The following PHACTR3 variants were observed in gnomAD, a reference collection of about 807,000 sequenced individuals.
The protein encoded by PHACTR3 is phosphatase and actin regulator 3.
Under a neutral mutation model 66.8 loss-of-function variants are expected in PHACTR3, and 16 were observed. The ratio of observed to expected loss-of-function variants is 0.24; its 90% CI spans 0.16 to 0.36. The LOEUF is 0.36. Ranked by LOEUF, PHACTR3 falls within the 10% of genes least tolerant of loss-of-function variation. PHACTR3 has a pLI of 1.00. For synonymous variants in PHACTR3, 323 were observed against 292.1 expected (o/e 1.11, Z -1.08); for missense variants, 647 against 719.9 (o/e 0.90, Z 1.16).
At chr20:59,783,494 C>T (rs2040801574) in intron 7 of PHACTR3, among the ~76,000 whole-genome samples, 2 of 148,080 alleles carry the variant, frequency 1.4e-5, no homozygotes, top group African/African-American at 5.0e-5. Flanking sequence ...TTGATAAGCA[C>T]TTTTCATGCA....
intron 1 of PHACTR3, among the ~76,000 whole-genome samples, chr20:59,737,345 C>T (rs372117324): frequency 3.3e-5 from 5 of 152,188 alleles, no homozygotes; most frequent in South Asian, 2.1e-4. Context: ...CCCCCTGGCA[C>T]GTGCCTGAGC....
intron 3 of PHACTR3, among the ~76,000 whole-genome samples, chr20:59,751,461 C>T (rs372843191): frequency 2.0e-5 from 3 of 152,178 alleles, no homozygotes; most frequent in Non-Finnish European, 2.9e-5. Flanking sequence ...GCCCTGCACA[C>T]GCGCATGTAT....
intron 1 of PHACTR3, among the ~76,000 whole-genome samples, chr20:59,712,146 C>A (rs998145806): frequency 1.3e-5 from 2 of 151,970 alleles, no homozygotes; most frequent in Admixed American, 1.3e-4. Flanking sequence ...TTATCTTAAC[C>A]CTGAATCAGT....
At chr20:59,684,813 G>A (rs1456206185) in intron 1 of PHACTR3, among the ~76,000 whole-genome samples, 1 of 152,218 alleles carries the variant, frequency 6.6e-6, no homozygotes, top group African/African-American at 2.4e-5. Context: ...CCCGATGAAG[G>A]GTTGTGAGGA....
intron 8 of PHACTR3, among the ~76,000 whole-genome samples, chr20:59,814,944 AG>A (rs944875040): frequency 1.6e-4 from 25 of 152,088 alleles, no homozygotes; most frequent in African/African-American, 5.3e-4. Flanking sequence ...TGGATCAAAC[AG>A]GAGGTGGGGG....
chr20:59,707,283 C>G (rs1336073909), intron 1 of PHACTR3, among the ~76,000 whole-genome samples: 2 of 152,144 alleles, frequency 1.3e-5, no homozygotes, highest in Admixed American at 1.3e-4. Flanking sequence ...GCAATCCTTA[C>G]TTAGTGATAC....
chr20:59,645,499 C>A (rs1028847003), intron 1 of PHACTR3, among the ~76,000 whole-genome samples: 6 of 152,154 alleles, frequency 3.9e-5, no homozygotes, highest in African/African-American at 1.4e-4. Flanking sequence ...ACACTGCCCT[C>A]CCTGGCCTCG....
chr20:59,807,062 C>T (rs558099948), intron 8 of PHACTR3, among the ~76,000 whole-genome samples: 12 of 152,344 alleles, frequency 7.9e-5, no homozygotes, highest in African/African-American at 2.2e-4. Context: ...GGCTAGCACG[C>T]GACCGTGCAC....
At chr20:59,589,536 C>T (rs573004429) in intron 1 of PHACTR3, among the ~76,000 whole-genome samples, 53 of 152,314 alleles carry the variant, frequency 3.5e-4, no homozygotes, top group South Asian at 8.3e-4. Context: ...GCTCGGGCTA[C>T]GAGACTGCTT....
chr20:59,714,325 T>G (rs1485861998), intron 1 of PHACTR3, among the ~76,000 whole-genome samples: 2 of 152,216 alleles, frequency 1.3e-5, no homozygotes, highest in African/African-American at 4.8e-5. Context: ...AGAAGTGTTA[T>G]TTGTTTTGCT....
intron 7 of PHACTR3, among the ~76,000 whole-genome samples, chr20:59,788,199 C>T (rs988579663): frequency 7.2e-5 from 11 of 152,158 alleles, no homozygotes; most frequent in Admixed American, 2.0e-4. Flanking sequence ...TGAGAACATA[C>T]GATGTTTGGT....
chr20:59,686,841 G>A (rs890420696), intron 1 of PHACTR3, among the ~76,000 whole-genome samples: 1 of 143,324 alleles, frequency 7.0e-6, no homozygotes, highest in Non-Finnish European at 1.6e-5. Flanking sequence ...TGATGATGAT[G>A]GTGATGATGG....
intron 7 of PHACTR3, among the ~76,000 whole-genome samples, chr20:59,775,732 G>A (rs6128685): frequency 0.34 from 51,655 of 151,984 alleles, 10,165 homozygotes; most frequent in East Asian, 0.67. Context: ...TCCCAAACTC[G>A]TTAGGCCCTG....
chr20:59,814,575 C>G (rs536238740), intron 8 of PHACTR3, among the ~76,000 whole-genome samples: 1 of 152,146 alleles, frequency 6.6e-6, no homozygotes, highest in East Asian at 1.9e-4. Context: ...CAGCTGAGGT[C>G]GAGGGTATTC....
chr20:59,824,772 C>T lies in PHACTR3; in HGVS notation c.1329-11733C>T, dbSNP rs554046196. On this transcript the variant is annotated intron_variant, in intron 8 of 12. Coordinates refer to ENST00000371015, the MANE Select transcript of PHACTR3 (RefSeq NM_080672.5). ...AGGGAATGCCCCTGATTGACAGCCC[C>T]ACCAGTGGGGGGGCGGGGGGAGGGG... Among the ~76,000 whole-genome samples, 26 of 152,320 alleles carry T rather than the reference C, an allele frequency of 1.7e-4. No homozygotes were observed. The South Asian group carries it at 2.5e-3, about 15-fold the overall frequency.
intron 3 of PHACTR3, among the ~76,000 whole-genome samples, chr20:59,751,620 T>G (rs1349498306): frequency 1.3e-5 from 2 of 152,034 alleles, no homozygotes; most frequent in Non-Finnish European, 2.9e-5. Context: ...GGGCATGAGT[T>G]TGCTCCCTCT....
rs2146891338 is a variant in PHACTR3 at position 59,773,270 on chromosome 20, A to G, written c.752-9A>G. The G allele has an allele frequency of 6.2e-7, 1 of 1,609,592 alleles. No individual in the cohort carries two copies. Among genetic ancestry groups the G allele is most frequent in the South Asian group, 1.1e-5 (1 of 90,374 alleles). On this transcript the variant is annotated splice_polypyrimidine_tract_variant and intron_variant, in intron 5 of 12. Coordinates refer to ENST00000371015, the MANE Select transcript of PHACTR3 (RefSeq NM_080672.5). ...ACCTATGTTCTTGCTGCTTCCTCCC[A>G]CACCCCAGGCCAAGCCACACTCTTC... is the stretch of plus-strand genomic sequence containing the variant.
intron 8 of PHACTR3, among the ~76,000 whole-genome samples, chr20:59,823,345 T>C (rs2042102915): frequency 6.6e-6 from 1 of 151,982 alleles, no homozygotes; most frequent in Non-Finnish European, 1.5e-5. Flanking sequence ...CAGCTCGGGG[T>C]GAGCTGGAAC....
intron 7 of PHACTR3, among the ~76,000 whole-genome samples, chr20:59,782,223 T>A (rs1384387282): frequency 1.3e-5 from 2 of 152,126 alleles, no homozygotes; most frequent in African/African-American, 2.4e-5. Flanking sequence ...AAAGAGGTGG[T>A]TGTTTTTTTC....
Sources: gnomAD v4.1 joint callset for allele counts (sites outside exome capture counted in the v4.1 genomes callset) on GRCh38, gnomAD v4.1.1 for gene constraint, MANE v1.5 for transcripts, NCBI Gene and HGNC (gene_info 2026-07-23, HGNC 2026-07-21) for gene names.